Variants in MYO9B observed in about 807,000 individuals in gnomAD.
The protein encoded by MYO9B is myosin IXB.
A neutral mutation model predicts 229.5 loss-of-function variants in MYO9B; 71 were observed. The ratio of observed to expected loss-of-function variants is 0.31; its 90% confidence interval spans 0.26 to 0.38. MYO9B has a LOEUF of 0.38. MYO9B is among the 10% of genes least tolerant of loss of function. The pLI is 1.00. For synonymous variants in MYO9B, 1,185 were observed against 1,235.8 expected, an observed-to-expected ratio of 0.96 and a Z score of 0.86; for missense variants, 2,255 against 2,920.5, an observed-to-expected ratio of 0.77 and a Z score of 5.25.
At chr19:17,179,786 C>A (rs2072834985) in intron 14 of MYO9B, among the ~76,000 whole-genome samples, 2 of 151,468 alleles carry the variant, frequency 1.3e-5, no homozygotes, top group African/African-American at 4.8e-5. Flanking sequence ...GTAATCCCAG[C>A]TACTCAGGAG....
chr19:17,200,440 A>G lies in MYO9B; in HGVS notation c.4372+14A>G. ...AGGGCCTGGAAGGTTGGTAGCCTGC[A>G]GCCTCAGGGACAGACAGTAGAGCCA... On this transcript the variant is annotated intron_variant, in intron 25 of 39. Transcript: ENST00000682292. 2 of 1,561,740 alleles carry G rather than the reference A, an allele frequency of 1.3e-6. No homozygotes were observed. Among genetic ancestry groups the G allele is most frequent in the African/African-American group, 2.7e-5 (2 of 73,568 alleles).
In MYO9B at chr19:17,201,167, G is replaced by A. The variant is rs190826737; in HGVS notation, c.4563+338G>A. On this transcript the variant is annotated intron_variant, in intron 26 of 39. Coordinates refer to ENST00000682292, the MANE Select transcript of MYO9B (RefSeq NM_004145.4). ...GAAGATCGCTTGAGCCCAAGAGGTC[G>A]AGGCACCACAAGCCACGATCGCAGC... 1.3e-4 allele frequency among the ~76,000 whole-genome samples: 20 copies of A among 152,256 alleles called. No individual in the cohort carries two copies. The East Asian group carries it at 3.3e-3, about 25-fold the overall frequency.
rs1174400909 is a variant in MYO9B at position 17,192,953 on chromosome 19, T to C, written c.3019T>C (p.Tyr1007His). 1 of 1,541,470 alleles carries C rather than the reference T, an allele frequency of 6.5e-7. No homozygotes were observed. The highest frequency in any genetic ancestry group is 2.0e-5 in the Admixed American group (1 of 50,886). ...RALERTQAAV[Y>H]LQASWRGYWQ... The stretch of plus-strand genomic sequence containing the variant: ...GCTGGAGAGGACGCAGGCTGCCGTG[T>C]ACCTCCAGGCCTCATGGAGGGGCTA... The change falls in exon 21 of 40, where the codon TAC (tyrosine) becomes CAC (histidine). Residue 1007 changes from tyrosine to histidine, a missense_variant. By Grantham distance (83) the Tyr-to-His change is moderately conservative. Around this residue, in one of 7 missense-constraint regions of MYO9B, gnomAD observed 679 missense variants for 770.2 expected, o/e 0.88. Transcript: ENST00000682292.
chr19:17,125,614 C>T (rs1284031381), intron 2 of MYO9B, among the ~76,000 whole-genome samples: 1 of 152,142 alleles, frequency 6.6e-6, no homozygotes, highest in Non-Finnish European at 1.5e-5. Context: ...CACGTCCTAG[C>T]CCTGGGAGTC....
intron 8 of MYO9B, among the ~76,000 whole-genome samples, chr19:17,160,037 C>T (rs2072581081): frequency 6.6e-6 from 1 of 152,172 alleles, no homozygotes; most frequent in Non-Finnish European, 1.5e-5. Context: ...GATCAGGTGC[C>T]TCCCTCTGGT....
chr19:17,184,085 C>A, intron 16 of MYO9B: 1 of 579,440 alleles, frequency 1.7e-6, no homozygotes, highest in Non-Finnish European at 3.0e-6. Flanking sequence ...TTTGCACACA[C>A]AGCGGCTTAT....
At chr19:17,090,753 A>G (rs757491057) in intron 1 of MYO9B, among the ~76,000 whole-genome samples, 2 of 152,094 alleles carry the variant, frequency 1.3e-5, no homozygotes, top group African/African-American at 2.4e-5. Context: ...TGGTGAGACA[A>G]TTCGGTTTAA....
intron 2 of MYO9B, among the ~76,000 whole-genome samples, chr19:17,109,016 A>G (rs111306747): frequency 0.12 from 17,634 of 150,124 alleles, 1,217 homozygotes; most frequent in Non-Finnish European, 0.13. Context: ...CCTGGCCCCA[A>G]GAATCTTTTT....
At chr19:17,177,887 G>A (rs992413320) in intron 14 of MYO9B, 8 of 152,580 alleles carry the variant, frequency 5.2e-5, no homozygotes, top group Non-Finnish European at 1.2e-4. Context: ...AAAGCAAGAA[G>A]TAAGTGCAGA....
intron 1 of MYO9B, among the ~76,000 whole-genome samples, chr19:17,097,775 T>C (rs2057707083): frequency 6.6e-6 from 1 of 152,186 alleles, no homozygotes; most frequent in Non-Finnish European, 1.5e-5. Flanking sequence ...TGCTGAGTCA[T>C]GCTTCTCTTT....
rs2072982414 is a variant in MYO9B, at chr19:17,191,271, C to T, written c.2811+52C>T. On this transcript the variant is annotated intron_variant, in intron 20 of 39. Coordinates refer to ENST00000682292, the MANE Select transcript of MYO9B (RefSeq NM_004145.4). ...TACAAACCCACACCCTGCCTTCCAC[C>T]GCACACCGTGTCTCCCCAGGCCCCC... The T allele has an allele frequency of 7.0e-6, 11 of 1,572,164 alleles. 1 individual carries two copies. Among genetic ancestry groups the T allele is most frequent in the Middle Eastern group, 1.9e-4 (1 of 5,188 alleles).
chr19:17,134,002 C>A (rs7507274), intron 2 of MYO9B, among the ~76,000 whole-genome samples: 1 of 151,968 alleles, frequency 6.6e-6, no homozygotes. Flanking sequence ...ACCTCATGAT[C>A]TGCCCGCCTC....
chr19:17,099,867 C>G (rs371249289), intron 1 of MYO9B, among the ~76,000 whole-genome samples: 2 of 148,520 alleles, frequency 1.3e-5, no homozygotes, highest in South Asian at 2.2e-4. Context: ...TCTGTAATCC[C>G]AGCACTTTGG....
At chr19:17,181,139 C>T in intron 15 of MYO9B, 99 bp downstream of exon 15, 1 of 745,954 alleles carries the variant, frequency 1.3e-6, no homozygotes, top group Admixed American at 2.7e-5. Flanking sequence ...TTTGCATCGG[C>T]CACTAAAACC....
At chr19:17,175,981 C>T (rs1353735553) in intron 14 of MYO9B, among the ~76,000 whole-genome samples, 2 of 151,038 alleles carry the variant, frequency 1.3e-5, no homozygotes, top group Admixed American at 6.6e-5. Flanking sequence ...TACAGGCATG[C>T]GCCACGATGC....
At chr19:17,129,120 C>T (rs1280719441) in intron 2 of MYO9B, among the ~76,000 whole-genome samples, 2 of 152,040 alleles carry the variant, frequency 1.3e-5, no homozygotes, top group Non-Finnish European at 2.9e-5. Flanking sequence ...ATCAAGGGAC[C>T]GGGCATGGTG....
intron 2 of MYO9B, among the ~76,000 whole-genome samples, chr19:17,139,605 AC>A (rs2145208007): frequency 6.6e-6 from 1 of 152,114 alleles, no homozygotes. Context: ...AGGTGTGCTG[AC>A]ACGTGCCTGT....
rs535643777 is a variant in MYO9B at position 17,079,588 on chromosome 19, G to A, written c.-59+3714G>A. Among the ~76,000 whole-genome samples, 7 of 152,252 alleles carry A rather than the reference G, an allele frequency of 4.6e-5. No individual in the cohort carries two copies. In the South Asian group the frequency reaches 6.2e-4, roughly 14 times the overall value. ...CTTCCATGGGCCCTTTCGCCCGCCC[G>A]TTCCCAAGCACATACTGCTGAATTT... On this transcript the variant is annotated intron_variant, in intron 1 of 39. Coordinates refer to ENST00000682292, the MANE Select transcript of MYO9B (RefSeq NM_004145.4).
At chr19:17,115,961 G>A (rs1234571691) in intron 2 of MYO9B, among the ~76,000 whole-genome samples, 1 of 152,142 alleles carries the variant, frequency 6.6e-6, no homozygotes, top group Non-Finnish European at 1.5e-5. Flanking sequence ...GGGGAGTCAG[G>A]AAAGGAGGAC....
Sources: gnomAD v4.1 joint callset for allele counts (sites outside exome capture counted in the v4.1 genomes callset) on GRCh38, gnomAD v4.1.1 for gene constraint, gnomAD v4.1.1 regional missense constraint, MANE v1.5 for transcripts, NCBI Gene and HGNC (gene_info 2026-07-23, HGNC 2026-07-21) for gene names.